The following C12orf42 variants were observed in gnomAD, a reference collection of about 807,000 sequenced individuals.
C12orf42 encodes chromosome 12 open reading frame 42.
In C12orf42, 25 loss-of-function variants were observed where a neutral mutation model predicts 21.6. The observed-to-expected ratio is 1.16, with a 90% CI of 0.84 to 1.62. The LOEUF (loss-of-function observed/expected upper bound fraction) is 1.62, where lower values mean the gene tolerates loss of function less well. C12orf42 is among the 40% of genes most tolerant of loss of function. The pLI is 0.00. For synonymous variants in C12orf42, 174 were observed against 175.0 expected (o/e 0.99, Z 0.05); for missense variants, 483 against 459.3 (o/e 1.05, Z -0.47).
intron 3 of C12orf42, among the ~76,000 whole-genome samples, chr12:103,381,406 C>T (rs1165438876): frequency 6.6e-6 from 1 of 152,180 alleles, no homozygotes; most frequent in Non-Finnish European, 1.5e-5. Flanking sequence ...GCACACTCCC[C>T]ACCTTTCCGT....
At chr12:103,205,011 C>CA in the C12orf42 span, among the ~76,000 whole-genome samples, 1 of 152,100 alleles carries the variant, frequency 6.6e-6, no homozygotes, top group African/African-American at 2.4e-5. Flanking sequence ...AAAAGATGCT[C>CA]AAACTGACTA....
chr12:103,498,637 T>C (rs938851146), upstream of C12orf42, among the ~76,000 whole-genome samples: 1 of 152,122 alleles, frequency 6.6e-6, no homozygotes, highest in Non-Finnish European at 1.5e-5. Context: ...CCATCAATGA[T>C]AGACTGGATA....
the C12orf42 span, among the ~76,000 whole-genome samples, chr12:103,153,872 C>T: frequency 2.6e-5 from 4 of 151,942 alleles, no homozygotes; most frequent in African/African-American, 2.4e-5. Context: ...TTCATAGCAT[C>T]GCTATTCACA....
intron 2 of C12orf42, among the ~76,000 whole-genome samples, chr12:103,454,929 T>C (rs962767790): frequency 1.2e-4 from 18 of 152,220 alleles, no homozygotes; most frequent in African/African-American, 4.3e-4. Context: ...AGCCAGTGCC[T>C]TCACCTTTTA....
chr12:103,272,036 T>C lies in C12orf42; in HGVS notation n.399-2183A>G, dbSNP rs182766093. On this transcript the variant is annotated intron_variant and non_coding_transcript_variant, in intron 5 of 6. Coordinates refer to the C12orf42 transcript ENST00000546526. ...GAAATGAAAGATCTAGACTGCTCAT[T>C]TACATGATTGGCCAACTCTCAAGTT... is the stretch of plus-strand genomic sequence containing the variant. 1.2e-4 allele frequency among the ~76,000 whole-genome samples: 18 copies of C among 152,244 alleles called. No individual in the cohort carries two copies. In the East Asian group the frequency reaches 3.5e-3, roughly 29 times the overall value.
chr12:103,517,548 C>T, the C12orf42 span, among the ~76,000 whole-genome samples: 200 of 152,266 alleles, frequency 1.3e-3, 3 homozygotes, highest in South Asian at 0.013. Flanking sequence ...TTACATTAGA[C>T]CTTTTTAGGT....
chr12:103,222,899 C>T, the C12orf42 span, among the ~76,000 whole-genome samples: 1 of 150,890 alleles, frequency 6.6e-6, no homozygotes, highest in East Asian at 1.9e-4. Flanking sequence ...GCCACTCTCA[C>T]TTGGGAATCT....
chr12:103,328,761 T>C (rs913876009), intron 4 of C12orf42, among the ~76,000 whole-genome samples: 54 of 152,318 alleles, frequency 3.5e-4, no homozygotes, highest in African/African-American at 1.3e-3. Flanking sequence ...ATGCAAGCCA[T>C]GTTATTGAAA....
the C12orf42 span, among the ~76,000 whole-genome samples, chr12:103,216,070 C>A: frequency 1.3e-5 from 2 of 152,070 alleles, no homozygotes; most frequent in Non-Finnish European, 2.9e-5. Context: ...TCAAAGTCAC[C>A]GATCACAGAT....
chr12:103,191,543 C>CAAAAAAAAAAAAAA, the C12orf42 span, among the ~76,000 whole-genome samples: 5 of 58,112 alleles, frequency 8.6e-5, no homozygotes, highest in East Asian at 5.6e-4. Flanking sequence ...CTCCACTCTA[C>CAAAAAAAAAAAAAA]AAAAAAAAAA....
the C12orf42 span, among the ~76,000 whole-genome samples, chr12:103,134,158 T>A: frequency 2.0e-5 from 3 of 152,292 alleles, no homozygotes; most frequent in South Asian, 6.2e-4. Context: ...GTGACTGTTA[T>A]ACCTGAGTGC....
intron 2 of C12orf42, among the ~76,000 whole-genome samples, chr12:103,447,580 T>C (rs888573372): frequency 6.6e-6 from 1 of 151,868 alleles, no homozygotes; most frequent in African/African-American, 2.4e-5. Flanking sequence ...AACTGGCAAA[T>C]GAATTCAGCA....
upstream of C12orf42, among the ~76,000 whole-genome samples, chr12:103,498,147 G>A (rs1955619468): frequency 2.0e-5 from 3 of 152,122 alleles, no homozygotes; most frequent in South Asian, 6.2e-4. Context: ...ACCTTAAAAA[G>A]AGAAAAGCAT....
At chr12:103,169,187 A>G in the C12orf42 span, among the ~76,000 whole-genome samples, 1 of 150,738 alleles carries the variant, frequency 6.6e-6, no homozygotes, top group Admixed American at 6.6e-5. Context: ...TAAATAAATA[A>G]ATAAATAAAT....
intron 1 of C12orf42, among the ~76,000 whole-genome samples, chr12:103,481,270 T>C (rs933824808): frequency 6.6e-6 from 1 of 151,942 alleles, no homozygotes; most frequent in Admixed American, 6.6e-5. Flanking sequence ...GGTTTATGTA[T>C]GTGGCTGAAG....
At chr12:103,123,023 G>T in the C12orf42 span, among the ~76,000 whole-genome samples, 2 of 152,130 alleles carry the variant, frequency 1.3e-5, no homozygotes, top group Admixed American at 1.3e-4. Context: ...TCAGGCTGTT[G>T]GTAGTGAAGT....
chr12:103,383,553 TGA>T (rs2046354228), intron 3 of C12orf42, among the ~76,000 whole-genome samples: 2 of 152,244 alleles, frequency 1.3e-5, no homozygotes, highest in South Asian at 2.1e-4. Flanking sequence ...TCTGTACATG[TGA>T]GAGAGTATAA....
At chr12:103,054,526 A>G in the C12orf42 span, among the ~76,000 whole-genome samples, 2 of 151,772 alleles carry the variant, frequency 1.3e-5, no homozygotes, top group African/African-American at 2.4e-5. Context: ...TGTCACCTGT[A>G]AATAGGGACT....
the C12orf42 span, among the ~76,000 whole-genome samples, chr12:103,112,146 C>T: frequency 1.4e-4 from 21 of 152,196 alleles, no homozygotes; most frequent in South Asian, 1.0e-3. Context: ...ACCAGTGAAG[C>T]GTGTTTTCTA....
Sources: gnomAD v4.1 joint callset for allele counts (sites outside exome capture counted in the v4.1 genomes callset) on GRCh38, gnomAD v4.1.1 for gene constraint, MANE v1.5 for transcripts, NCBI Gene and HGNC (gene_info 2026-07-23, HGNC 2026-07-21) for gene names.